Variants in ZBTB16 observed in about 807,000 individuals in gnomAD.
The protein encoded by ZBTB16 is zinc finger and BTB domain containing 16, also known as zinc finger and BTB domain-containing protein 16.
In ZBTB16, 8 loss-of-function variants were observed where a neutral mutation model predicts 56.8. That is an observed-to-expected ratio of 0.14 (90% CI 0.08 to 0.25). The LOEUF (loss-of-function observed/expected upper bound fraction) is 0.25. Among genes scored for constraint, ZBTB16 ranks in the 10% least tolerant of loss-of-function variants. ZBTB16 has a pLI of 1.00. For synonymous variants in ZBTB16, 363 were observed against 368.5 expected (o/e 0.98, Z 0.17); for missense variants, 625 against 903.0 (o/e 0.69, Z 3.95).
chr11:114,148,465 C>CGT lies in ZBTB16; in HGVS notation c.1269-7872_1269-7871insGT, dbSNP rs1942193969. ...TCTCTCTCTGTCTGTCTGTCTCTCT[C>CGT]TCTCTCTTTCTTTCTTTCTTTCTTT... On this transcript the variant is annotated intron_variant, in intron 2 of 6. Transcript: ENST00000335953. 4.5e-4 allele frequency among the ~76,000 whole-genome samples: 24 copies of CGT among 53,492 alleles called. 2 individuals carry two copies. Among genetic ancestry groups the CGT allele is most frequent in the Admixed American group, 8.7e-4 (4 of 4,576 alleles). 35.1% of individuals were successfully genotyped at this position (53,492 alleles called of 152,430 possible).
chr11:114,206,235 G>A (rs1159258474), intron 4 of ZBTB16, among the ~76,000 whole-genome samples: 2 of 152,192 alleles, frequency 1.3e-5, no homozygotes, highest in South Asian at 2.1e-4. Context: ...AGGGGTCCTA[G>A]AATTCTAAAA....
intron 2 of ZBTB16, among the ~76,000 whole-genome samples, chr11:114,112,907 G>A (rs1376020977): frequency 1.3e-5 from 2 of 151,648 alleles, no homozygotes. Flanking sequence ...GTGACTACAG[G>A]GAATGCACTA....
At chr11:114,141,039 G>A (rs1041247841) in intron 2 of ZBTB16, among the ~76,000 whole-genome samples, 2 of 152,058 alleles carry the variant, frequency 1.3e-5, no homozygotes, top group East Asian at 1.9e-4. Flanking sequence ...TCAGGACTCC[G>A]CATCATCAGC....
chr11:114,223,151 G>A (rs1198476847), intron 4 of ZBTB16, among the ~76,000 whole-genome samples: 1 of 152,208 alleles, frequency 6.6e-6, no homozygotes, highest in Non-Finnish European at 1.5e-5. Flanking sequence ...CCTCTCTAGA[G>A]ATCTGTGTCT....
intron 4 of ZBTB16, among the ~76,000 whole-genome samples, chr11:114,237,498 C>G (rs954555431): frequency 6.6e-6 from 1 of 152,192 alleles, no homozygotes; most frequent in Non-Finnish European, 1.5e-5. Flanking sequence ...AGGACGGAAC[C>G]CAGGCGTTGA....
At chr11:114,147,575 C>T (rs1942142452) in intron 2 of ZBTB16, among the ~76,000 whole-genome samples, 1 of 152,158 alleles carries the variant, frequency 6.6e-6, no homozygotes, top group Non-Finnish European at 1.5e-5. Context: ...AAGCATGCAT[C>T]ATGGTGCCCT....
At chr11:114,193,576 C>T (rs1943546324) in intron 4 of ZBTB16, among the ~76,000 whole-genome samples, 1 of 152,158 alleles carries the variant, frequency 6.6e-6, no homozygotes, top group South Asian at 2.1e-4. Flanking sequence ...ATTTTTAGTT[C>T]CCCTAATAAT....
rs45535537 is a variant in ZBTB16 at position 114,256,033 on chromosome 11, T to G, written c.*5478T>G. ...CTTGGTTTTGTTTTGTTTTTTTTTTTTGTTTTTTTTGCCTTTTCTTGTGTG... is the reference window on the plus strand; with the variant it reads ...CTTGGTTTTGTTTTGTTTTTTTTTTGTGTTTTTTTTGCCTTTTCTTGTGTG... On this transcript the variant is annotated 3_prime_UTR_variant, in exon 7 of 7. Coordinates refer to ENST00000335953, the MANE Select transcript of ZBTB16 (RefSeq NM_006006.6). 2.8e-4 allele frequency among the ~76,000 whole-genome samples: 34 copies of G among 119,768 alleles called. No homozygotes were observed. Among genetic ancestry groups the G allele is most frequent in the African/African-American group, 9.5e-4 (33 of 34,692 alleles). The allele number at this position is 119,768 out of a possible 152,430, so 78.6% of individuals were successfully genotyped here.
chr11:114,090,289 T>C (rs1940136822), intron 2 of ZBTB16, among the ~76,000 whole-genome samples: 1 of 152,160 alleles, frequency 6.6e-6, no homozygotes, highest in Admixed American at 6.5e-5. Flanking sequence ...CACTTAGGTG[T>C]CTGAGGCCTG....
chr11:114,156,036 G>C (rs1038499006), intron 2 of ZBTB16, among the ~76,000 whole-genome samples: 6 of 152,208 alleles, frequency 3.9e-5, no homozygotes, highest in African/African-American at 1.4e-4. Context: ...CTGTCTGACT[G>C]TCCTGGGTGT....
At chr11:114,207,612 C>T (rs894262388) in intron 4 of ZBTB16, among the ~76,000 whole-genome samples, 1 of 151,908 alleles carries the variant, frequency 6.6e-6, no homozygotes, top group African/African-American at 2.4e-5. Context: ...CACACACACA[C>T]ACACACACAC....
rs572923527 is a variant in ZBTB16 at position 114,089,147 on chromosome 11, C to T, written c.1268+24579C>T. Among the ~76,000 whole-genome samples, 6 of 152,270 alleles carry T rather than the reference C, an allele frequency of 3.9e-5. No individual in the cohort carries two copies. In the East Asian group the frequency reaches 9.7e-4, roughly 25 times the overall value. On this transcript the variant is annotated intron_variant, in intron 2 of 6. Transcript: ENST00000335953. Reference sequence around the variant, plus strand: ...TCATGAAGACCTTTGCTGGGAGTGGCGGGCAGGGATCTGCGGGGAGCGTTG... The same window carrying T: ...TCATGAAGACCTTTGCTGGGAGTGGTGGGCAGGGATCTGCGGGGAGCGTTG...
intron 2 of ZBTB16, among the ~76,000 whole-genome samples, chr11:114,117,399 T>C (rs1159217948): frequency 6.6e-6 from 1 of 151,896 alleles, no homozygotes; most frequent in Non-Finnish European, 1.5e-5. Flanking sequence ...GGGATGGATA[T>C]GTGGGAGTCA....
chr11:114,207,878 T>G (rs1943918385), intron 4 of ZBTB16, among the ~76,000 whole-genome samples: 1 of 152,196 alleles, frequency 6.6e-6, no homozygotes, highest in Admixed American at 6.5e-5. Context: ...CCTCCCAAAG[T>G]GCTGGGATTA....
At chr11:114,141,207 G>A (rs763575057) in intron 2 of ZBTB16, among the ~76,000 whole-genome samples, 1 of 152,126 alleles carries the variant, frequency 6.6e-6, no homozygotes, top group East Asian at 1.9e-4. Context: ...GGTGCTCCCC[G>A]TCTCATCCAA....
At chr11:114,070,330 G>A (rs576992187) in intron 2 of ZBTB16, among the ~76,000 whole-genome samples, 492 of 151,398 alleles carry the variant, frequency 3.2e-3, no homozygotes, top group African/African-American at 0.011. Context: ...GGATGGTCTC[G>A]ATCTCCTGAC....
intron 2 of ZBTB16, among the ~76,000 whole-genome samples, chr11:114,110,192 C>G (rs1180824553): frequency 2.6e-5 from 4 of 152,056 alleles, no homozygotes; most frequent in Admixed American, 2.0e-4. Flanking sequence ...GCCCCCACCC[C>G]CTTTTCCTAG....
chr11:114,212,507 C>G (rs556942514), intron 4 of ZBTB16, among the ~76,000 whole-genome samples: 4 of 152,234 alleles, frequency 2.6e-5, no homozygotes, highest in African/African-American at 7.2e-5. Flanking sequence ...ATTCTCTGCT[C>G]CAATTTTCTC....
chr11:114,250,718 T>C lies in ZBTB16; in HGVS notation c.*163T>C. The C allele has an allele frequency of 1.3e-6, 1 of 752,398 alleles. No individual in the cohort carries two copies. Among genetic ancestry groups the C allele is most frequent in the Non-Finnish European group, 2.1e-6 (1 of 470,772 alleles). The allele number at this position is 752,398 out of a possible 1,614,324, so 46.6% of individuals were successfully genotyped here. On this transcript the variant is annotated 3_prime_UTR_variant, in exon 7 of 7. Transcript: ENST00000335953. This position sits in a 1 kb window ranked among gnomAD's most constrained non-coding sequence, Gnocchi z 6.0. ...CCTTGGATTCTCTCTGGGCTCCAGA[T>C]GACCTGGATGCCAAGCCACTGCCCC...
Sources: gnomAD v4.1 joint callset for allele counts (sites outside exome capture counted in the v4.1 genomes callset) on GRCh38, gnomAD v4.1.1 for gene constraint, Gnocchi (gnomAD v3.1) non-coding constraint, MANE v1.5 for transcripts, NCBI Gene and HGNC (gene_info 2026-07-23, HGNC 2026-07-21) for gene names.